VPS13D: variants seen among roughly 807,000 people sequenced by gnomAD.
VPS13D encodes intermembrane lipid transfer protein VPS13D.
A neutral mutation model predicts 461.9 loss-of-function variants in VPS13D; 187 were observed. The observed-to-expected ratio is 0.40, with a 90% CI of 0.36 to 0.46. The LOEUF (loss-of-function observed/expected upper bound fraction) is 0.46, where lower values mean the gene tolerates loss of function less well. Among genes scored for constraint, VPS13D ranks in the 20% least tolerant of loss-of-function variants. VPS13D has a pLI of 0.60. For synonymous variants in VPS13D, 1,951 were observed against 1,986.3 expected, an observed-to-expected ratio of 0.98 and a Z score of 0.47; for missense variants, 4,711 against 5,364.9, an observed-to-expected ratio of 0.88 and a Z score of 3.81.
rs191113796 is a variant in VPS13D, at chr1:12,281,644, C to G, written c.4603-1061C>G. On this transcript the variant is annotated intron_variant, in intron 20 of 69. Coordinates refer to ENST00000620676, the MANE Select transcript of VPS13D (RefSeq NM_015378.4). ...AGGCACATAATCAGGTCTTTTTTCT[C>G]TCTTATTGATGTTAAAGTGGATAAT... Among the ~76,000 whole-genome samples the G allele has an allele frequency of 1.6e-4, 25 of 152,176 alleles. No individual in the cohort carries two copies. The East Asian group carries it at 4.6e-3, about 28-fold the overall frequency.
chr1:12,342,742 T>C (rs1032219208), intron 41 of VPS13D, 157 bp from the exon 42 acceptor site: 22 of 747,140 alleles, frequency 2.9e-5, no homozygotes, highest in Middle Eastern at 8.6e-4. Context: ...ATAGCTATAG[T>C]TAGCGACCCT....
chr1:12,342,954 T>C lies in VPS13D; in HGVS notation c.8788T>C (p.Phe2930Leu). 1 of 1,613,938 alleles carries C rather than the reference T, an allele frequency of 6.2e-7. No homozygotes were observed. The highest frequency in any genetic ancestry group is 1.3e-5 in the African/African-American group (1 of 75,046). The change falls in exon 42 of 70, where the codon TTT (phenylalanine) becomes CTT (leucine). Residue 2930 changes from phenylalanine (F) to leucine (L), a missense_variant. This residue lies in a region of VPS13D where 4,411 missense variants were observed against 4,937.8 expected (regional missense o/e 0.89). Transcript: ENST00000620676. Reference sequence around the variant, plus strand: ...GGTAGTTCCAGAAGGGAACGGAACATTTCTCGATGATACTCACAATGTTAG... The same window carrying C: ...GGTAGTTCCAGAAGGGAACGGAACACTTCTCGATGATACTCACAATGTTAG... Reference protein sequence around the residue: ...PGVVPEGNGTFLDDTHNVSEW... With the variant: ...PGVVPEGNGTLLDDTHNVSEW...
At chr1:12,266,803 A>C in intron 13 of VPS13D, 78 bp from the exon 14 acceptor site, 1 of 1,257,098 alleles carries the variant, frequency 8.0e-7, no homozygotes, top group Non-Finnish European at 1.1e-6. Flanking sequence ...TCTTCTGTAA[A>C]ATAGAATATC....
intron 13 of VPS13D, among the ~76,000 whole-genome samples, chr1:12,266,344 G>A (rs947949764): frequency 7.2e-5 from 11 of 152,208 alleles, no homozygotes; most frequent in Admixed American, 6.5e-5. Context: ...TCTGTGAAAG[G>A]AAGAGTCAGT....
intron 65 of VPS13D, 101 bp downstream of exon 65, chr1:12,416,928 A>C: frequency 7.5e-7 from 1 of 1,328,488 alleles, no homozygotes; most frequent in East Asian, 2.6e-5. Context: ...AGTTATATTC[A>C]TGGCTTTTGC....
At chr1:12,254,760 T>G (rs1226405766) in intron 7 of VPS13D, among the ~76,000 whole-genome samples, 2 of 151,840 alleles carry the variant, frequency 1.3e-5, no homozygotes, top group African/African-American at 4.8e-5. Context: ...ACTCCTGACC[T>G]CAAGTGATCC....
chr1:12,496,586 C>T (rs1645960916), intron 67 of VPS13D, among the ~76,000 whole-genome samples: 1 of 152,226 alleles, frequency 6.6e-6, no homozygotes, highest in Non-Finnish European at 1.5e-5. Context: ...GCTCCAGGAA[C>T]AAATAATAAG....
intron 60 of VPS13D, among the ~76,000 whole-genome samples, chr1:12,398,573 G>T (rs1479932630): frequency 1.3e-5 from 2 of 152,070 alleles, no homozygotes; most frequent in Non-Finnish European, 2.9e-5. Flanking sequence ...CCTCTTCCTG[G>T]TGGTGAACTT....
intron 67 of VPS13D, among the ~76,000 whole-genome samples, chr1:12,465,440 G>A (rs1216760297): frequency 6.6e-6 from 1 of 152,196 alleles, no homozygotes; most frequent in East Asian, 1.9e-4. Context: ...TAAGGAGGAA[G>A]GGGAATTTGA....
In VPS13D at chr1:12,276,022, A is replaced by G; in HGVS notation, c.2434A>G (p.Lys812Glu). 1 of 1,614,056 alleles carries G rather than the reference A, an allele frequency of 6.2e-7. No homozygotes were observed. Among genetic ancestry groups the G allele is most frequent in the Non-Finnish European group, 8.5e-7 (1 of 1,180,016 alleles). ...GCTTCAAGCACATTTAATGAGCACA[A>G]AGATGTATGAGAGGTACTCGCTGTC... ...EQLQAHLMSTKMYERYSLSFM... is the reference protein window; with the variant it reads ...EQLQAHLMSTEMYERYSLSFM... Residue 812 changes from lysine to glutamate, a missense_variant, in exon 19 of 70, where the codon AAG becomes GAG. Lys to Glu is a moderately conservative substitution (Grantham distance 56). Coordinates refer to ENST00000620676, the MANE Select transcript of VPS13D (RefSeq NM_015378.4). The surrounding 1 kb of genome is among the most constrained non-coding windows in gnomAD (Gnocchi z 4.5).
chr1:12,345,453 A>C lies in VPS13D; in HGVS notation c.8965A>C (p.Lys2989Gln). 6.2e-7 allele frequency: 1 copy of C among 1,613,946 alleles called. No individual in the cohort carries two copies. Among genetic ancestry groups the C allele is most frequent in the Non-Finnish European group, 8.5e-7 (1 of 1,179,830 alleles). The change falls in exon 43 of 70, where the codon AAA (lysine) becomes CAA (glutamine). Residue 2989 changes from lysine (K) to glutamine (Q), a missense_variant. This residue lies in a region of VPS13D where 4,411 missense variants were observed against 4,937.8 expected (regional missense o/e 0.89). Coordinates refer to ENST00000620676, the MANE Select transcript of VPS13D (RefSeq NM_015378.4). ...WEQVSPVSVD[K>Q]VGTFFRYAAP... ...GCAAGTGAGCCCAGTGTCTGTGGAC[A>C]AAGTCGGGACCTTTTTTCGATATGC...
chr1:12,320,420 G>A (rs1177772149), intron 32 of VPS13D, among the ~76,000 whole-genome samples: 1 of 152,096 alleles, frequency 6.6e-6, no homozygotes, highest in Non-Finnish European at 1.5e-5. Flanking sequence ...TTTGCTTTAC[G>A]ATCGGCCTTT....
At chr1:12,309,595 A>T (rs1253385244) in intron 27 of VPS13D, among the ~76,000 whole-genome samples, 1 of 146,692 alleles carries the variant, frequency 6.8e-6, no homozygotes, top group African/African-American at 2.5e-5. Flanking sequence ...CGTCTCTACT[A>T]AAAAAAAAAT....
At chr1:12,278,175 G>T in intron 19 of VPS13D, 137 bp downstream of exon 19, 1 of 937,550 alleles carries the variant, frequency 1.1e-6, no homozygotes, top group African/African-American at 1.7e-5. Context: ...AAATCAAAGA[G>T]TTTTAATAGA....
intron 39 of VPS13D, chr1:12,337,955 A>G (rs1021703914): frequency 5.9e-5 from 18 of 304,452 alleles, no homozygotes; most frequent in African/African-American, 3.4e-4. Context: ...ATTCTGTTCA[A>G]GAGAAGGTTC....
intron 6 of VPS13D, among the ~76,000 whole-genome samples, chr1:12,250,224 A>G (rs1640691740): frequency 6.6e-6 from 1 of 152,032 alleles, no homozygotes; most frequent in South Asian, 2.1e-4. Flanking sequence ...ATGCAGCTTA[A>G]TCTCCAGCCC....
intron 7 of VPS13D, among the ~76,000 whole-genome samples, chr1:12,254,513 CTTTTTTTTT>C (rs1017635589): frequency 1.1e-3 from 86 of 78,244 alleles, no homozygotes; most frequent in African/African-American, 4.0e-3. Flanking sequence ...AAATCTCAAT[CTTTTTTTTT>C]TTTTTTTTTT....
chr1:12,464,516 C>T (rs1235801542), intron 67 of VPS13D, among the ~76,000 whole-genome samples: 7 of 152,184 alleles, frequency 4.6e-5, no homozygotes, highest in Admixed American at 2.0e-4. Flanking sequence ...AGTGGCCTTA[C>T]AGGAAACATT....
At chr1:12,504,885 C>T (rs557034407) in intron 68 of VPS13D, among the ~76,000 whole-genome samples, 2 of 152,178 alleles carry the variant, frequency 1.3e-5, no homozygotes, top group Non-Finnish European at 2.9e-5. Context: ...GGATGGGAAG[C>T]CCTTGGCTGA....
Sources: gnomAD v4.1 joint callset for allele counts (sites outside exome capture counted in the v4.1 genomes callset) on GRCh38, gnomAD v4.1.1 for gene constraint, gnomAD v4.1.1 regional missense constraint, Gnocchi (gnomAD v3.1) non-coding constraint, MANE v1.5 for transcripts, NCBI Gene and HGNC (gene_info 2026-07-23, HGNC 2026-07-21) for gene names.